EXOC4: variants seen among roughly 807,000 people sequenced by gnomAD.
EXOC4 encodes the protein SEC8-like 1.
EXOC4 carries 71 observed loss-of-function variants against 107.2 expected under a neutral mutation model. That is an observed-to-expected ratio of 0.66 (90% confidence interval 0.55 to 0.81). The LOEUF (loss-of-function observed/expected upper bound fraction) is 0.81. EXOC4 is among the 30% of genes least tolerant of loss of function. EXOC4 has a pLI of 0.00. For synonymous variants in EXOC4, 456 were observed against 441.2 expected (o/e 1.03, Z -0.42); for missense variants, 1,108 against 1,189.6 (o/e 0.93, Z 1.01).
intron 9 of EXOC4, among the ~76,000 whole-genome samples, chr7:133,571,628 T>C (rs1801025309): frequency 6.8e-6 from 1 of 147,418 alleles, no homozygotes; most frequent in African/African-American, 2.5e-5. Flanking sequence ...TGAGCCAAGA[T>C]GGCACCACTG....
chr7:134,010,447 A>AT (rs1011319321), intron 17 of EXOC4, among the ~76,000 whole-genome samples: 1 of 151,228 alleles, frequency 6.6e-6, no homozygotes, highest in Admixed American at 6.6e-5. Context: ...TTTCCCTCTC[A>AT]TTTTTTCTTG....
chr7:133,652,544 G>C (rs780553922), intron 10 of EXOC4, among the ~76,000 whole-genome samples: 3 of 152,004 alleles, frequency 2.0e-5, no homozygotes, highest in Non-Finnish European at 4.4e-5. Context: ...GCAAAGGGAA[G>C]CCATATAAAG....
chr7:133,940,963 A>G (rs1015922991), intron 14 of EXOC4, among the ~76,000 whole-genome samples: 2 of 152,060 alleles, frequency 1.3e-5, no homozygotes, highest in African/African-American at 2.4e-5. Context: ...TATTAAGCTT[A>G]AGAAGCTATT....
At chr7:133,985,268 A>G (rs1205594078) in intron 14 of EXOC4, among the ~76,000 whole-genome samples, 2 of 152,218 alleles carry the variant, frequency 1.3e-5, no homozygotes, top group African/African-American at 4.8e-5. Flanking sequence ...TCTGCCTCCT[A>G]TACCCAAATA....
At chr7:133,648,900 T>C (rs1036928746) in intron 10 of EXOC4, among the ~76,000 whole-genome samples, 1 of 152,218 alleles carries the variant, frequency 6.6e-6, no homozygotes, top group African/African-American at 2.4e-5. Context: ...TAATTTTTCT[T>C]ACCCATTTCT....
the EXOC4 span, among the ~76,000 whole-genome samples, chr7:134,087,515 C>T: frequency 8.5e-5 from 13 of 152,126 alleles, no homozygotes; most frequent in South Asian, 2.1e-4. Flanking sequence ...AGGCAAAATA[C>T]GTAAAATTAT....
chr7:133,824,356 G>A (rs376694802), intron 11 of EXOC4, among the ~76,000 whole-genome samples: 8 of 151,976 alleles, frequency 5.3e-5, no homozygotes, highest in East Asian at 2.0e-4. Context: ...TTCAACCTGC[G>A]TCTTCTTCTC....
intron 10 of EXOC4, among the ~76,000 whole-genome samples, chr7:133,663,912 T>C (rs1793753494): frequency 6.6e-6 from 1 of 152,158 alleles, no homozygotes; most frequent in South Asian, 2.1e-4. Flanking sequence ...AAAGCCAGAA[T>C]TATTTTCAGT....
At chr7:134,088,639 T>A in the EXOC4 span, among the ~76,000 whole-genome samples, 1 of 152,196 alleles carries the variant, frequency 6.6e-6, no homozygotes, top group Non-Finnish European at 1.5e-5. Flanking sequence ...ATGTCACAAT[T>A]TCCAAAGTTA....
intron 11 of EXOC4, among the ~76,000 whole-genome samples, chr7:133,831,133 T>G (rs1797802265): frequency 6.6e-6 from 1 of 152,044 alleles, no homozygotes; most frequent in Admixed American, 6.5e-5. Flanking sequence ...CCTAGCTAAT[T>G]TTTGTATTTT....
At chr7:134,005,491 C>T (rs1002076425) in intron 16 of EXOC4, among the ~76,000 whole-genome samples, 2 of 152,164 alleles carry the variant, frequency 1.3e-5, no homozygotes, top group Non-Finnish European at 2.9e-5. Context: ...GAAGTTTTCT[C>T]ACAGAATGTT....
At position 133,817,480 on chromosome 7, in the gene EXOC4, C is replaced by T. The variant is rs1216355184; in HGVS notation, c.1670C>T (p.Pro557Leu). 6.2e-7 allele frequency: 1 copy of T among 1,614,146 alleles called. No individual in the cohort carries two copies. The highest frequency in any genetic ancestry group is 1.1e-5 in the South Asian group (1 of 91,078). The change falls in exon 11 of 18, where the codon CCT (proline) becomes CTT (leucine). Residue 557 changes from proline (P) to leucine (L), a missense_variant. Pro to Leu is a moderately conservative substitution (Grantham distance 98). Coordinates refer to ENST00000253861, the MANE Select transcript of EXOC4 (RefSeq NM_021807.4). ...GAAGGAGTCACTAAAACATCTGACC[C>T]TTTGAAGATTCTGGCCAACGCAGAC... ...EIEGVTKTSD[P>L]LKILANADTM...
At chr7:133,316,464 C>A (rs552674066) in intron 4 of EXOC4, among the ~76,000 whole-genome samples, 1 of 152,234 alleles carries the variant, frequency 6.6e-6, no homozygotes, top group South Asian at 2.1e-4. Context: ...CGAGATGATT[C>A]CATTTCTTGA....
chr7:133,439,962 A>G (rs1319842674), intron 7 of EXOC4, among the ~76,000 whole-genome samples: 2 of 152,150 alleles, frequency 1.3e-5, no homozygotes, highest in African/African-American at 2.4e-5. Context: ...AGATGAGCAC[A>G]TTGCTTATTG....
chr7:134,048,273 C>G (rs1295081527), intron 17 of EXOC4, among the ~76,000 whole-genome samples: 2 of 152,220 alleles, frequency 1.3e-5, no homozygotes, highest in Non-Finnish European at 2.9e-5. Flanking sequence ...TGCATGACTC[C>G]TAAGCCATAA....
chr7:133,926,521 A>G (rs944082324), intron 13 of EXOC4, among the ~76,000 whole-genome samples: 13 of 152,188 alleles, frequency 8.5e-5, no homozygotes, highest in African/African-American at 2.7e-4. Context: ...CTCCTTTCCA[A>G]TAACAGGTTG....
chr7:133,718,197 T>C (rs1030958356), intron 10 of EXOC4, among the ~76,000 whole-genome samples: 5 of 152,196 alleles, frequency 3.3e-5, no homozygotes, highest in African/African-American at 9.7e-5. Context: ...GTACTAGGTA[T>C]ACTAGGTTTG....
chr7:133,672,200 G>C (rs1793961239), intron 10 of EXOC4, among the ~76,000 whole-genome samples: 1 of 151,894 alleles, frequency 6.6e-6, no homozygotes, highest in Non-Finnish European at 1.5e-5. Context: ...GACCATCCTG[G>C]CTAACATGGT....
At chr7:133,770,405 G>A (rs1442696637) in intron 10 of EXOC4, among the ~76,000 whole-genome samples, 2 of 151,892 alleles carry the variant, frequency 1.3e-5, no homozygotes, top group Admixed American at 6.6e-5. Flanking sequence ...ATCCTTCTGT[G>A]ATCGTTAAAA....
Sources: allele counts gnomAD v4.1 joint callset (sites outside exome capture counted in the v4.1 genomes callset), GRCh38; gene constraint gnomAD v4.1.1; transcripts MANE v1.5; gene names NCBI Gene and HGNC (gene_info 2026-07-23, HGNC 2026-07-21).